Variants in STK10 observed in about 807,000 individuals in gnomAD.
STK10 encodes the protein serine/threonine-protein kinase 10.
In STK10, 78 loss-of-function variants were observed where a neutral mutation model predicts 113.8. That is an observed-to-expected ratio of 0.69 (90% confidence interval 0.57 to 0.83). STK10 has a LOEUF of 0.83. STK10 is among the 40% of genes least tolerant of loss of function. STK10 has a pLI of 0.00. For synonymous variants in STK10, 465 were observed against 494.7 expected, an observed-to-expected ratio of 0.94 and a Z score of 0.80; for missense variants, 1,109 against 1,280.1, an observed-to-expected ratio of 0.87 and a Z score of 2.04.
rs184658673 is a variant in STK10, at chr5:172,122,709, C to T, written c.370+4664G>A. On this transcript the variant is annotated intron_variant, in intron 3 of 18. Transcript: ENST00000176763. ...CACGATCTAGGCTCACTGCAAGCTC[C>T]GCCTCCCAGGTTCACGCCATTCTCC... 5.2e-3 allele frequency among the ~76,000 whole-genome samples: 791 copies of T among 152,226 alleles called. 8 individuals carry two copies. Among genetic ancestry groups the T allele is most frequent in the African/African-American group, 0.018 (758 of 41,534 alleles).
At chr5:172,119,782 T>G (rs1769466749) in intron 3 of STK10, among the ~76,000 whole-genome samples, 1 of 147,312 alleles carries the variant, frequency 6.8e-6, no homozygotes, top group Non-Finnish European at 1.5e-5. Flanking sequence ...GAGAATGGCG[T>G]GAACCCGGGA....
At chr5:172,173,337 C>G (rs28406981) in intron 1 of STK10, among the ~76,000 whole-genome samples, 2,151 of 152,312 alleles carry the variant, frequency 0.014, 59 homozygotes, top group African/African-American at 0.049. Context: ...CCAGCTCTGA[C>G]AAGGGTCATT....
At chr5:172,161,594 T>G (rs1024969624) in intron 1 of STK10, among the ~76,000 whole-genome samples, 16 of 152,186 alleles carry the variant, frequency 1.1e-4, no homozygotes, top group Non-Finnish European at 1.8e-4. Flanking sequence ...TCCCATGCAG[T>G]GATAATAATA....
intron 1 of STK10, among the ~76,000 whole-genome samples, chr5:172,186,230 C>T (rs1438603649): frequency 6.6e-6 from 1 of 151,848 alleles, no homozygotes; most frequent in Non-Finnish European, 1.5e-5. Flanking sequence ...GGGCCGAGAT[C>T]AAACCACCGC....
chr5:172,047,946 AG>A (rs1485655884), intron 18 of STK10, among the ~76,000 whole-genome samples: 6 of 113,342 alleles, frequency 5.3e-5, no homozygotes, highest in African/African-American at 2.2e-4. Flanking sequence ...TCTGTCACCC[AG>A]GCTGGGGTGC....
At chr5:172,061,458 G>A in intron 13 of STK10, 190 bp from the exon 14 acceptor site, 1 of 677,330 alleles carries the variant, frequency 1.5e-6, no homozygotes, top group Non-Finnish European at 2.3e-6. Flanking sequence ...GGCTTCATCT[G>A]GATCCTGGAT....
In STK10 at chr5:172,057,337, C is replaced by A. The variant is rs368625537; in HGVS notation, c.2337+12G>T. On this transcript the variant is annotated intron_variant, in intron 15 of 18. Coordinates refer to ENST00000176763, the MANE Select transcript of STK10 (RefSeq NM_005990.4). ...GCAGCAGATCCGAGCCCCGTGCCACCGGCAGCCTCACCTTCTCATGCTTGC... is the reference window on the plus strand; with the variant it reads ...GCAGCAGATCCGAGCCCCGTGCCACAGGCAGCCTCACCTTCTCATGCTTGC... The A allele has an allele frequency of 5.7e-6, 9 of 1,579,308 alleles. No individual in the cohort carries two copies. In the East Asian group the frequency reaches 2.1e-4, roughly 36 times the overall value.
chr5:172,072,272 T>TC (rs373503811), intron 12 of STK10, among the ~76,000 whole-genome samples: 18 of 141,100 alleles, frequency 1.3e-4, no homozygotes, highest in African/African-American at 5.3e-4. Flanking sequence ...TTCTTTTCTT[T>TC]TCTTTTTTTT....
rs1768767702 is a variant in STK10, at chr5:172,093,488, G to C, written c.1478C>G (p.Ser493Cys). ...ATTGGTACCATAGTCCATGCTCTCA[G>C]AGGTGCAGAGGCTGCTGCAGTCCGA... ...RDSDCSSLCT[S>C]ESMDYGTNLS... Residue 493 changes from serine to cysteine, a missense_variant, in exon 9 of 19, where the codon TCT becomes TGT. Physicochemically the swap from Ser to Cys is moderately radical, Grantham distance 112. Transcript: ENST00000176763. The surrounding 1 kb of genome is among the most constrained non-coding windows in gnomAD (Gnocchi z 4.1). 1 of 1,614,102 alleles carries C rather than the reference G, an allele frequency of 6.2e-7. No homozygotes were observed. Among genetic ancestry groups the C allele is most frequent in the South Asian group, 1.1e-5 (1 of 91,096 alleles).
intron 8 of STK10, among the ~76,000 whole-genome samples, chr5:172,095,575 G>A (rs989478351): frequency 2.6e-5 from 4 of 152,268 alleles, no homozygotes; most frequent in Non-Finnish European, 4.4e-5. Flanking sequence ...GCCACCAGGG[G>A]CTCCATGCAT....
intron 1 of STK10, among the ~76,000 whole-genome samples, chr5:172,169,572 G>A (rs1033307058): frequency 6.6e-6 from 1 of 152,062 alleles, no homozygotes; most frequent in Non-Finnish European, 1.5e-5. Flanking sequence ...AGTTGGCAGG[G>A]GCATGAATGG....
At position 172,087,256 on chromosome 5, in the gene STK10, CTTAT is replaced by C. The variant is rs59070930; in HGVS notation, c.1685+2972_1685+2975del. Among the ~76,000 whole-genome samples the C allele has an allele frequency of 1.2e-3, 180 of 150,236 alleles. 1 individual carries two copies. The highest frequency in any genetic ancestry group is 2.5e-3 in the African/African-American group (100 of 40,352). On this transcript the variant is annotated intron_variant, in intron 10 of 18. Coordinates refer to ENST00000176763, the MANE Select transcript of STK10 (RefSeq NM_005990.4). ...TAAAACTACTTTTATTTGGTTTTGGCTTATTTATTTATTTATTTATTTATTTATT... is the reference window on the plus strand; with the variant it reads ...TAAAACTACTTTTATTTGGTTTTGGCTTATTTATTTATTTATTTATTTATT...
At chr5:172,076,828 T>C (rs1042482827) in intron 12 of STK10, among the ~76,000 whole-genome samples, 1 of 152,142 alleles carries the variant, frequency 6.6e-6, no homozygotes, top group Non-Finnish European at 1.5e-5. Context: ...CATCATACAA[T>C]TTAAAGGCCT....
At chr5:172,166,653 T>A (rs982627425) in intron 1 of STK10, among the ~76,000 whole-genome samples, 1 of 152,212 alleles carries the variant, frequency 6.6e-6, no homozygotes, top group Admixed American at 6.5e-5. Flanking sequence ...GTGGAAAGGA[T>A]CATTTTACAC....
chr5:172,065,071 C>A (rs73315820), intron 12 of STK10, among the ~76,000 whole-genome samples: 6 of 152,188 alleles, frequency 3.9e-5, no homozygotes, highest in Non-Finnish European at 5.9e-5. Flanking sequence ...GTATCCACCC[C>A]CCTCTTCTGG....
At chr5:172,091,258 G>A (rs990969987) in intron 9 of STK10, among the ~76,000 whole-genome samples, 1 of 152,166 alleles carries the variant, frequency 6.6e-6, no homozygotes, top group Non-Finnish European at 1.5e-5. Flanking sequence ...ACCAAAGGCT[G>A]TTTTTATAAC....
intron 7 of STK10, among the ~76,000 whole-genome samples, chr5:172,103,919 A>C (rs1198436453): frequency 1.3e-5 from 2 of 152,224 alleles, no homozygotes; most frequent in Non-Finnish European, 2.9e-5. Context: ...AGCAAGTCAC[A>C]GAGAGGTTAA....
intron 1 of STK10, among the ~76,000 whole-genome samples, chr5:172,159,930 G>A (rs1225932021): frequency 6.6e-6 from 1 of 151,828 alleles, no homozygotes; most frequent in East Asian, 1.9e-4. Flanking sequence ...AAGGTCAGGA[G>A]TTTGAGACCA....
At chr5:172,110,920 C>T (rs1286569156) in intron 4 of STK10, among the ~76,000 whole-genome samples, 1 of 152,108 alleles carries the variant, frequency 6.6e-6, no homozygotes, top group Non-Finnish European at 1.5e-5. Flanking sequence ...TGAACTAAGA[C>T]CCCCCGGCAC....
Sources: allele counts gnomAD v4.1 joint callset (sites outside exome capture counted in the v4.1 genomes callset), GRCh38; gene constraint gnomAD v4.1.1; non-coding constraint Gnocchi (gnomAD v3.1); transcripts MANE v1.5; gene names NCBI Gene and HGNC (gene_info 2026-07-23, HGNC 2026-07-21).